The following GLDC variants were observed in gnomAD, a reference collection of about 807,000 sequenced individuals.
The protein encoded by GLDC is glycine dehydrogenase (decarboxylating), mitochondrial.
Under a neutral mutation model 121.3 loss-of-function variants are expected in GLDC, and 104 were observed. The observed-to-expected ratio is 0.86, with a 90% confidence interval of 0.73 to 1.01. GLDC has a LOEUF of 1.01. GLDC is among the 50% of genes least tolerant of loss of function. The probability of loss-of-function intolerance (pLI) is 0.00; values close to 1 mark genes in which losing one functional copy is unlikely to be tolerated. For missense variants in GLDC, 1,429 were observed against 1,306.6 expected (o/e 1.09, Z -1.44); for synonymous variants, 546 against 480.6 (o/e 1.14, Z -1.78).
chr9:6,588,015 A>C (rs966649711), intron 14 of GLDC, among the ~76,000 whole-genome samples: 1 of 151,622 alleles, frequency 6.6e-6, no homozygotes, highest in African/African-American at 2.4e-5. Context: ...TTTCTGATAC[A>C]GGAATGATTT....
chr9:6,547,322 G>T (rs1160285312), intron 21 of GLDC, among the ~76,000 whole-genome samples: 1 of 152,160 alleles, frequency 6.6e-6, no homozygotes, highest in African/African-American at 2.4e-5. Flanking sequence ...ACAGATGGGG[G>T]AACACAGTTA....
chr9:6,589,266 C>G lies in GLDC; in HGVS notation c.1509G>C (p.Glu503Asp). 1 of 1,609,044 alleles carries G rather than the reference C, an allele frequency of 6.2e-7. No homozygotes were observed. Among genetic ancestry groups the G allele is most frequent in the Non-Finnish European group, 8.5e-7 (1 of 1,175,346 alleles). Residue 503 changes from glutamate (E) to aspartate (D), a missense_variant, in exon 12 of 25, where the codon GAG (glutamate) becomes GAC (aspartate). Physicochemically the swap from Glu to Asp is conservative, Grantham distance 45 (BLOSUM62 2). Transcript: ENST00000321612. ...CAGACCCTGGAATACCTCTGCACTC[C>G]TCTCCCATGCTTTCAGCAACCAGTT... ...SAELVAESMG[E>D]ECRGIPGSVF...
At chr9:6,541,101 A>G (rs149391832) in intron 21 of GLDC, 60 of 152,278 alleles carry the variant, frequency 3.9e-4, no homozygotes, top group African/African-American at 1.4e-3. Context: ...TCAAAAAAAT[A>G]AATATAAATT....
chr9:6,542,686 G>T (rs1817293439), intron 21 of GLDC, among the ~76,000 whole-genome samples: 1 of 150,026 alleles, frequency 6.7e-6, no homozygotes, highest in Admixed American at 6.7e-5. Context: ...AGGAGTTTGA[G>T]ACCAGCCTGG....
intron 16 of GLDC, among the ~76,000 whole-genome samples, chr9:6,560,983 C>T (rs569720599): frequency 8.0e-4 from 122 of 152,188 alleles, no homozygotes; most frequent in Non-Finnish European, 1.5e-3. Flanking sequence ...GCAGGAAGCT[C>T]GAGCCAAGGA....
At chr9:6,582,998 A>T (rs117673663) in intron 15 of GLDC, among the ~76,000 whole-genome samples, 1 of 152,288 alleles carries the variant, frequency 6.6e-6, no homozygotes, top group East Asian at 1.9e-4. Flanking sequence ...AATGTCCATC[A>T]AAACCACAGT....
intron 21 of GLDC, among the ~76,000 whole-genome samples, chr9:6,545,170 A>T (rs950515679): frequency 3.3e-5 from 5 of 152,212 alleles, no homozygotes; most frequent in African/African-American, 1.2e-4. Flanking sequence ...CTAGCAGAAT[A>T]CAGTCATGCA....
intron 15 of GLDC, among the ~76,000 whole-genome samples, chr9:6,569,908 G>A (rs1817922986): frequency 6.6e-6 from 1 of 151,962 alleles, no homozygotes; most frequent in South Asian, 2.1e-4. Context: ...GCAAGGAGGT[G>A]GAGGCTGCAG....
intron 15 of GLDC, among the ~76,000 whole-genome samples, chr9:6,573,716 A>G (rs1401321977): frequency 1.2e-4 from 18 of 152,198 alleles, no homozygotes; most frequent in Non-Finnish European, 2.1e-4. Flanking sequence ...CAAGTGAAAC[A>G]TCAGCTAAGA....
At chr9:6,550,129 G>A (rs1004308169) in intron 21 of GLDC, among the ~76,000 whole-genome samples, 4 of 152,152 alleles carry the variant, frequency 2.6e-5, no homozygotes, top group Non-Finnish European at 1.5e-5. Context: ...CAGCAAGAAG[G>A]CGCTGTCAAC....
At chr9:6,644,763 C>A in intron 1 of GLDC, 71 bp from the exon 2 acceptor site, 1 of 1,060,644 alleles carries the variant, frequency 9.4e-7, no homozygotes, top group Non-Finnish European at 1.5e-6. Context: ...TTTGCGACTA[C>A]AAAGCCTTGT....
At chr9:6,542,750 G>T (rs1374930705) in intron 21 of GLDC, among the ~76,000 whole-genome samples, 1 of 151,844 alleles carries the variant, frequency 6.6e-6, no homozygotes, top group Non-Finnish European at 1.5e-5. Context: ...GCTAGGTGCA[G>T]TTGTGCCTGC....
intron 3 of GLDC, among the ~76,000 whole-genome samples, chr9:6,613,888 T>C (rs1268869140): frequency 1.3e-5 from 2 of 151,896 alleles, no homozygotes; most frequent in African/African-American, 2.4e-5. Context: ...GCCATTCTCC[T>C]GCCTCAGCCT....
chr9:6,592,846 C>A lies in GLDC; in HGVS notation c.1401+5G>T. ...ACTGGTAAAAATACTGAAAATTTGA[C>A]TTACTGTGCCATCCTCAAAAAGCCG... On this transcript the variant is annotated splice_donor_5th_base_variant and intron_variant, in intron 10 of 24. Coordinates refer to ENST00000321612, the MANE Select transcript of GLDC (RefSeq NM_000170.3). 7 of 1,612,386 alleles carry A rather than the reference C, an allele frequency of 4.3e-6. No homozygotes were observed. The highest frequency in any genetic ancestry group is 5.9e-6 in the Non-Finnish European group (7 of 1,179,570).
At chr9:6,561,793 C>T (rs965273437) in intron 16 of GLDC, among the ~76,000 whole-genome samples, 5 of 152,100 alleles carry the variant, frequency 3.3e-5, no homozygotes, top group Admixed American at 6.5e-5. Context: ...CCCAGGGTGC[C>T]GCGTGGCATA....
chr9:6,621,373 G>A (rs1033633354), intron 2 of GLDC, among the ~76,000 whole-genome samples: 2 of 152,064 alleles, frequency 1.3e-5, no homozygotes, highest in East Asian at 1.9e-4. Flanking sequence ...TATGCTTTTC[G>A]CACAGCCTAG....
At chr9:6,631,332 G>C (rs1819373282) in intron 2 of GLDC, among the ~76,000 whole-genome samples, 1 of 152,188 alleles carries the variant, frequency 6.6e-6, no homozygotes, top group South Asian at 2.1e-4. Context: ...GTATGAGTGA[G>C]CAGTCTCTGC....
At chr9:6,562,196 T>C (rs1231549863) in intron 16 of GLDC, among the ~76,000 whole-genome samples, 3 of 152,218 alleles carry the variant, frequency 2.0e-5, no homozygotes, top group Non-Finnish European at 4.4e-5. Flanking sequence ...AATTGCCATA[T>C]AAGTGTTTGT....
chr9:6,636,684 G>A (rs573876492), intron 2 of GLDC, among the ~76,000 whole-genome samples: 180 of 151,852 alleles, frequency 1.2e-3, no homozygotes, highest in Admixed American at 2.0e-3. Context: ...GCTGAAGTGC[G>A]AGATCACTTG....
Sources: allele counts gnomAD v4.1 joint callset (sites outside exome capture counted in the v4.1 genomes callset), GRCh38; gene constraint gnomAD v4.1.1; transcripts MANE v1.5; gene names NCBI Gene and HGNC (gene_info 2026-07-23, HGNC 2026-07-21).